Variants in KALRN observed in about 807,000 individuals in gnomAD.
KALRN encodes kalirin.
A neutral mutation model predicts 353.7 loss-of-function variants in KALRN; 70 were observed. The ratio of observed to expected loss-of-function variants is 0.20; its 90% CI spans 0.16 to 0.24. The LOEUF (loss-of-function observed/expected upper bound fraction) is 0.24. KALRN is among the 10% of genes least tolerant of loss of function. The probability of loss-of-function intolerance (pLI) is 1.00; values close to 1 mark genes in which losing one functional copy is unlikely to be tolerated. For synonymous variants in KALRN, 1,391 were observed against 1,434.8 expected, an observed-to-expected ratio of 0.97 and a Z score of 0.69; for missense variants, 2,791 against 3,756.7, an observed-to-expected ratio of 0.74 and a Z score of 6.72.
At chr3:124,368,346 G>A (rs1219122761) in intron 10 of KALRN, among the ~76,000 whole-genome samples, 2 of 149,220 alleles carry the variant, frequency 1.3e-5, no homozygotes, top group South Asian at 2.1e-4. Flanking sequence ...TTTCTCAGAC[G>A]GGGCGGCCGG....
intron 33 of KALRN, among the ~76,000 whole-genome samples, chr3:124,547,913 G>A (rs567730847): frequency 5.3e-5 from 8 of 152,048 alleles, no homozygotes; most frequent in African/African-American, 1.9e-4. Flanking sequence ...GCTAAAATGG[G>A]GGCATAGGAG....
intron 33 of KALRN, among the ~76,000 whole-genome samples, chr3:124,509,136 A>G (rs781737377): frequency 3.3e-5 from 5 of 152,076 alleles, no homozygotes; most frequent in Non-Finnish European, 7.4e-5. Flanking sequence ...AAACACATAC[A>G]CTTTGATATT....
intron 3 of KALRN, among the ~76,000 whole-genome samples, chr3:124,248,801 G>C (rs1455379275): frequency 6.6e-6 from 1 of 152,178 alleles, no homozygotes; most frequent in Non-Finnish European, 1.5e-5. Context: ...CTCCCAGACT[G>C]TTCTGTCCGG....
chr3:124,605,791 T>A (rs2077283959), intron 34 of KALRN, among the ~76,000 whole-genome samples: 1 of 152,030 alleles, frequency 6.6e-6, no homozygotes, highest in Admixed American at 6.6e-5. Flanking sequence ...TACACCCAGG[T>A]TTTTAAGCTG....
intron 9 of KALRN, among the ~76,000 whole-genome samples, chr3:124,344,415 C>T (rs888310176): frequency 2.0e-5 from 3 of 152,256 alleles, no homozygotes; most frequent in South Asian, 4.1e-4. Flanking sequence ...CGAGGTTGGA[C>T]GACATGGAAT....
intron 33 of KALRN, among the ~76,000 whole-genome samples, chr3:124,507,721 A>AG (rs2065389181): frequency 6.6e-6 from 1 of 152,220 alleles, no homozygotes; most frequent in African/African-American, 2.4e-5. Flanking sequence ...GTATTTATGA[A>AG]GGGGGACAGT....
At chr3:124,658,380 C>G (rs765003041) in intron 41 of KALRN, 51 bp from the exon 42 acceptor site, 1 of 1,424,370 alleles carries the variant, frequency 7.0e-7, no homozygotes, top group South Asian at 1.1e-5. Flanking sequence ...TGAGATTGAA[C>G]AAAAGACACA....
At chr3:124,682,196 C>T (rs2061373192) in intron 51 of KALRN, among the ~76,000 whole-genome samples, 1 of 152,108 alleles carries the variant, frequency 6.6e-6, no homozygotes, top group Non-Finnish European at 1.5e-5. Context: ...CTTAAAGATC[C>T]AAATTGAAAT....
chr3:124,121,368 T>C (rs1037030637), intron 1 of KALRN, among the ~76,000 whole-genome samples: 12 of 152,230 alleles, frequency 7.9e-5, no homozygotes, highest in African/African-American at 2.9e-4. Flanking sequence ...TTTTCTAGGC[T>C]GGAGTAATCA....
chr3:124,692,964 C>T (rs2061890030), intron 51 of KALRN, among the ~76,000 whole-genome samples: 1 of 152,184 alleles, frequency 6.6e-6, no homozygotes, highest in Admixed American at 6.5e-5. Flanking sequence ...TGTAGCTTTC[C>T]AGAATGGCTA....
intron 3 of KALRN, among the ~76,000 whole-genome samples, chr3:124,239,379 A>C (rs757263136): frequency 6.6e-6 from 1 of 152,184 alleles, no homozygotes; most frequent in Non-Finnish European, 1.5e-5. Flanking sequence ...CCTCTTCATC[A>C]TCACTGTTAG....
At chr3:124,675,492 ATTC>A (rs1017130214) in intron 49 of KALRN, 6 of 147,550 alleles carry the variant, frequency 4.1e-5, no homozygotes, top group Admixed American at 6.7e-5. Context: ...TGTGCAAACA[ATTC>A]TTCTTCTTTT....
intron 34 of KALRN, among the ~76,000 whole-genome samples, chr3:124,602,335 C>A (rs1047161306): frequency 2.0e-5 from 3 of 152,118 alleles, no homozygotes; most frequent in African/African-American, 7.2e-5. Flanking sequence ...TGAAATATTT[C>A]TCTTATTGTC....
chr3:124,108,164 G>A (rs1287789751), intron 1 of KALRN, among the ~76,000 whole-genome samples: 1 of 152,128 alleles, frequency 6.6e-6, no homozygotes, highest in Non-Finnish European at 1.5e-5. Flanking sequence ...TAGGATATTT[G>A]CCCCTTGCTA....
chr3:124,301,381 A>G (rs1232777164), intron 6 of KALRN, among the ~76,000 whole-genome samples: 2 of 152,222 alleles, frequency 1.3e-5, no homozygotes, highest in Admixed American at 6.5e-5. Flanking sequence ...GAGATTTAGT[A>G]TGCAACAGCC....
chr3:124,450,046 C>A (rs1415688612), intron 21 of KALRN, among the ~76,000 whole-genome samples: 1 of 152,170 alleles, frequency 6.6e-6, no homozygotes, highest in South Asian at 2.1e-4. Flanking sequence ...TTTCAGTTCC[C>A]TTATGTGCAT....
chr3:124,684,007 G>A (rs913688158), intron 51 of KALRN, among the ~76,000 whole-genome samples: 3 of 152,006 alleles, frequency 2.0e-5, no homozygotes, highest in African/African-American at 7.3e-5. Context: ...TTGAGTGTGT[G>A]GTTCAATGGC....
chr3:124,512,679 A>C (rs900235266), intron 33 of KALRN, among the ~76,000 whole-genome samples: 3 of 151,978 alleles, frequency 2.0e-5, no homozygotes, highest in African/African-American at 4.8e-5. Context: ...AACAATTAAA[A>C]ATTTAAAAAA....
In KALRN at chr3:124,411,433, C is replaced by CTTTTTTT. The variant is rs61485429; in HGVS notation, c.2347-2015_2347-2009dup. Among the ~76,000 whole-genome samples, 234 of 51,484 alleles carry CTTTTTTT rather than the reference C, an allele frequency of 4.5e-3. 50 individuals are homozygous for CTTTTTTT. Among genetic ancestry groups the CTTTTTTT allele is most frequent in the Non-Finnish European group, 7.1e-3 (187 of 26,254 alleles). The allele number at this position is 51,484 out of a possible 152,430, so 33.8% of individuals were successfully genotyped here. A position where few individuals can be genotyped will look rare whatever the true frequency, so the allele number is the denominator to read the frequency against. ...AAGCCTATGTATACTTTAAATTATGCTTTTTTTTTTTTTTTTTTTTTTTTT... is the reference window on the plus strand; with the variant it reads ...AAGCCTATGTATACTTTAAATTATGCTTTTTTTTTTTTTTTTTTTTTTTTTTTTTTTT... On this transcript the variant is annotated intron_variant, in intron 13 of 59. Transcript: ENST00000682506.
Sources: gnomAD v4.1 joint callset for allele counts (sites outside exome capture counted in the v4.1 genomes callset) on GRCh38, gnomAD v4.1.1 for gene constraint, MANE v1.5 for transcripts, NCBI Gene and HGNC (gene_info 2026-07-23, HGNC 2026-07-21) for gene names.